TMEM132D: variants seen among roughly 807,000 people sequenced by gnomAD.
The protein encoded by TMEM132D is mature OL transmembrane protein.
TMEM132D carries 21 observed loss-of-function variants against 62.3 expected under a neutral mutation model. The ratio of observed to expected loss-of-function variants is 0.34; its 90% CI spans 0.24 to 0.49. The LOEUF (loss-of-function observed/expected upper bound fraction) is 0.49, where lower values mean the gene tolerates loss of function less well. TMEM132D is among the 20% of genes least tolerant of loss of function. TMEM132D has a pLI of 0.99. For synonymous variants in TMEM132D, 621 were observed against 575.6 expected (o/e 1.08, Z -1.13); for missense variants, 1,346 against 1,402.8 (o/e 0.96, Z 0.65).
chr12:129,358,827 C>T (rs916627245), intron 3 of TMEM132D, among the ~76,000 whole-genome samples: 1 of 152,060 alleles, frequency 6.6e-6, no homozygotes, highest in Non-Finnish European at 1.5e-5. Context: ...GGCACAAATG[C>T]TCTGCTGCTG....
At chr12:129,305,777 T>G (rs1881834384) in intron 4 of TMEM132D, among the ~76,000 whole-genome samples, 1 of 152,158 alleles carries the variant, frequency 6.6e-6, no homozygotes, top group Non-Finnish European at 1.5e-5. Context: ...GTCATGGACA[T>G]TACAAGGTCC....
chr12:129,580,877 T>C (rs973666921), intron 2 of TMEM132D, among the ~76,000 whole-genome samples: 1 of 152,160 alleles, frequency 6.6e-6, no homozygotes, highest in African/African-American at 2.4e-5. Flanking sequence ...TACCTCCAAA[T>C]TGACATCAGA....
chr12:129,828,998 C>G (rs1027013210), intron 1 of TMEM132D, among the ~76,000 whole-genome samples: 12 of 151,774 alleles, frequency 7.9e-5, no homozygotes, highest in African/African-American at 2.9e-4. Flanking sequence ...TTGCAAGAAG[C>G]CAGTGTGAAT....
chr12:129,491,396 CCA>C (rs1388526790), intron 3 of TMEM132D, among the ~76,000 whole-genome samples: 1 of 152,182 alleles, frequency 6.6e-6, no homozygotes, highest in Non-Finnish European at 1.5e-5. Context: ...GAGCTAAACT[CCA>C]GTTTCCAGCC....
intron 1 of TMEM132D, among the ~76,000 whole-genome samples, chr12:129,747,829 G>A (rs1036890282): frequency 6.0e-5 from 7 of 117,520 alleles, no homozygotes; most frequent in East Asian, 2.6e-4. Flanking sequence ...ACACACACTC[G>A]ACACACATTC....
At chr12:129,835,472 G>A (rs1872976633) in intron 1 of TMEM132D, among the ~76,000 whole-genome samples, 1 of 151,954 alleles carries the variant, frequency 6.6e-6, no homozygotes, top group Admixed American at 6.6e-5. Context: ...TTTATTTTTA[G>A]TAGAGACAAG....
chr12:129,420,334 G>GTTTTTTTTTTT (rs1872276742), intron 3 of TMEM132D, among the ~76,000 whole-genome samples: 1 of 131,066 alleles, frequency 7.6e-6, no homozygotes, highest in African/African-American at 3.0e-5. Flanking sequence ...TTTTTTTGCA[G>GTTTTTTTTTTT]TATCTGGGCC....
Position 129,564,909 on chromosome 12 carries a change from G to A in TMEM132D, c.969-33704C>T, listed in dbSNP as rs576129901. The stretch of plus-strand genomic sequence containing the variant: ...AATTGGTGTACTGTTGGAGTAGGCA[G>A]ATGACTAGGTATGAGAAAAGTGGGG... On this transcript the variant is annotated intron_variant, in intron 2 of 8. Coordinates refer to ENST00000422113, the MANE Select transcript of TMEM132D (RefSeq NM_133448.3). 1.6e-4 allele frequency among the ~76,000 whole-genome samples: 25 copies of A among 152,320 alleles called. No individual in the cohort carries two copies. In the South Asian group the frequency reaches 2.3e-3, roughly 14 times the overall value.
chr12:129,077,962 T>A (rs577785958), intron 8 of TMEM132D, among the ~76,000 whole-genome samples: 2 of 152,114 alleles, frequency 1.3e-5, no homozygotes, highest in Admixed American at 1.3e-4. Flanking sequence ...CAAAACACAC[T>A]CTATTAGCTC....
At chr12:129,793,722 T>C (rs1297011256) in intron 1 of TMEM132D, among the ~76,000 whole-genome samples, 1 of 152,196 alleles carries the variant, frequency 6.6e-6, no homozygotes, top group Non-Finnish European at 1.5e-5. Flanking sequence ...TTTTAAAATT[T>C]TTGTACCATT....
chr12:129,131,279 T>C (rs1876366736), intron 5 of TMEM132D, among the ~76,000 whole-genome samples: 1 of 152,186 alleles, frequency 6.6e-6, no homozygotes, highest in South Asian at 2.1e-4. Context: ...GGTCCAAAGA[T>C]GACTGTTGTT....
At chr12:129,639,770 T>C (rs1407982300) in intron 2 of TMEM132D, among the ~76,000 whole-genome samples, 1 of 152,210 alleles carries the variant, frequency 6.6e-6, no homozygotes, top group Non-Finnish European at 1.5e-5. Context: ...GCAGGCACTA[T>C]GAGAACCTAG....
intron 5 of TMEM132D, among the ~76,000 whole-genome samples, chr12:129,204,036 G>C (rs1878778261): frequency 6.6e-6 from 1 of 152,176 alleles, no homozygotes; most frequent in Admixed American, 6.5e-5. Context: ...CCCATCCAAA[G>C]GACATCAACT....
intron 5 of TMEM132D, among the ~76,000 whole-genome samples, chr12:129,185,773 GTCTATCTA>G (rs1555235284): frequency 6.6e-5 from 9 of 136,012 alleles, no homozygotes; most frequent in African/African-American, 2.4e-4. Flanking sequence ...CTGTCTGTCT[GTCTATCTA>G]TCTATCTATC....
intron 4 of TMEM132D, among the ~76,000 whole-genome samples, chr12:129,286,326 A>G (rs1403550337): frequency 1.3e-5 from 2 of 152,212 alleles, no homozygotes; most frequent in African/African-American, 2.4e-5. Context: ...CACCATGGCT[A>G]TATCTGAAGC....
chr12:129,176,911 G>A (rs776591649), intron 5 of TMEM132D, among the ~76,000 whole-genome samples: 11 of 152,342 alleles, frequency 7.2e-5, no homozygotes, highest in Admixed American at 2.0e-4. Context: ...CAAATGCTGC[G>A]ATTTGGGAAA....
intron 3 of TMEM132D, among the ~76,000 whole-genome samples, chr12:129,450,176 A>G (rs1037745026): frequency 1.6e-4 from 24 of 152,090 alleles, no homozygotes; most frequent in African/African-American, 5.6e-4. Context: ...TACTCTGTTG[A>G]GAGTTTCTTT....
At chr12:129,339,451 C>T (rs748098073) in intron 3 of TMEM132D, among the ~76,000 whole-genome samples, 22 of 152,242 alleles carry the variant, frequency 1.4e-4, no homozygotes, top group Middle Eastern at 3.4e-3. Context: ...GGGGAAAAGA[C>T]GACAGCTGGT....
At chr12:129,487,660 C>T (rs7979413) in intron 3 of TMEM132D, among the ~76,000 whole-genome samples, 6,329 of 152,032 alleles carry the variant, frequency 0.042, 135 homozygotes, top group South Asian at 0.056. Context: ...GGGTTCTGCC[C>T]TCAAGAGTGG....
Sources: allele counts gnomAD v4.1 joint callset (sites outside exome capture counted in the v4.1 genomes callset), GRCh38; gene constraint gnomAD v4.1.1; transcripts MANE v1.5; gene names NCBI Gene and HGNC (gene_info 2026-07-23, HGNC 2026-07-21).